MMS22L: variants seen among roughly 807,000 people sequenced by gnomAD.
MMS22L encodes the protein protein MMS22-like.
Under a neutral mutation model 159.1 loss-of-function variants are expected in MMS22L, and 74 were observed. The ratio of observed to expected loss-of-function variants is 0.47; its 90% confidence interval spans 0.39 to 0.56. The LOEUF (loss-of-function observed/expected upper bound fraction) is 0.56, where lower values mean the gene tolerates loss of function less well. Ranked by LOEUF, MMS22L falls within the 20% of genes least tolerant of loss-of-function variation. MMS22L has a pLI of 0.00. For missense variants in MMS22L, 1,351 were observed against 1,422.1 expected, an observed-to-expected ratio of 0.95 and a Z score of 0.80; for synonymous variants, 517 against 506.9, an observed-to-expected ratio of 1.02 and a Z score of -0.27.
chr6:97,220,670 T>C (rs1809534078), intron 14 of MMS22L, among the ~76,000 whole-genome samples: 1 of 151,084 alleles, frequency 6.6e-6, no homozygotes, highest in Non-Finnish European at 1.5e-5. Flanking sequence ...GCTCCCCACC[T>C]TACCAAAAGA....
chr6:97,153,187 A>G (rs891509437), intron 22 of MMS22L, among the ~76,000 whole-genome samples: 1 of 151,902 alleles, frequency 6.6e-6, no homozygotes, highest in African/African-American at 2.4e-5. Flanking sequence ...TAATTCACAT[A>G]CTATATAGTT....
chr6:97,229,475 T>G, intron 13 of MMS22L, 72 bp from the exon 14 acceptor site: 2 of 1,093,482 alleles, frequency 1.8e-6, no homozygotes, highest in Non-Finnish European at 2.5e-6. Context: ...AAAAGAAAAT[T>G]TGTTTCAATA....
intron 4 of MMS22L, among the ~76,000 whole-genome samples, chr6:97,275,681 G>A (rs1816180782): frequency 6.6e-6 from 1 of 152,176 alleles, no homozygotes; most frequent in Admixed American, 6.5e-5. Flanking sequence ...CACAATAGCT[G>A]AGACAGGGTA....
chr6:97,169,914 A>G (rs1007720157), intron 19 of MMS22L, among the ~76,000 whole-genome samples: 1 of 152,080 alleles, frequency 6.6e-6, no homozygotes. Context: ...GATATAGGGT[A>G]CCACGTGGTA....
intron 11 of MMS22L, among the ~76,000 whole-genome samples, chr6:97,243,498 T>A (rs1812302795): frequency 6.6e-6 from 1 of 152,166 alleles, no homozygotes; most frequent in Non-Finnish European, 1.5e-5. Context: ...TATTATTTTT[T>A]AAATTTCTTT....
In MMS22L at chr6:97,146,518, C is replaced by T. The variant is rs140290619; in HGVS notation, c.*288G>A. On this transcript the variant is annotated 3_prime_UTR_variant, in exon 25 of 25. Transcript: ENST00000683635. ...ATGGATGAAGTATCTGCTTAATACT[C>T]ACACACAGAAAACACTCTCAGAAAA... 2.1e-3 allele frequency: 445 copies of T among 208,264 alleles called. 3 individuals carry two copies. The highest frequency in any genetic ancestry group is 0.011 in the Middle Eastern group (6 of 544). The allele number at this position is 208,264 out of a possible 1,614,324, so 12.9% of individuals were successfully genotyped here. A position where few individuals can be genotyped will look rare whatever the true frequency, so the allele number is the denominator to read the frequency against.
Position 97,270,003 on chromosome 6 carries a change from C to A in MMS22L, c.607-11G>T, listed in dbSNP as rs1285016074. On this transcript the variant is annotated splice_polypyrimidine_tract_variant and intron_variant, in intron 6 of 24. Transcript: ENST00000683635. ...TGACGGTGGAAAAAGCTGTGGATGACATTATCAACTGTGATTGAGAATTCA... is the reference window on the plus strand; with the variant it reads ...TGACGGTGGAAAAAGCTGTGGATGAAATTATCAACTGTGATTGAGAATTCA... The A allele has an allele frequency of 6.3e-7, 1 of 1,594,486 alleles. No homozygotes were observed. The highest frequency in any genetic ancestry group is 8.6e-7 in the Non-Finnish European group (1 of 1,163,740).
At chr6:97,216,740 T>C (rs770886217) in intron 14 of MMS22L, among the ~76,000 whole-genome samples, 1 of 152,220 alleles carries the variant, frequency 6.6e-6, no homozygotes, top group African/African-American at 2.4e-5. Flanking sequence ...TTCAAAGATC[T>C]GGGTGGTCTA....
At chr6:97,270,172 T>C (rs943499362) in intron 6 of MMS22L, 180 bp from the exon 7 acceptor site, 1 of 643,012 alleles carries the variant, frequency 1.6e-6, no homozygotes, top group Non-Finnish European at 2.8e-6. Flanking sequence ...CTGAAGATCT[T>C]TGAAAGCAGG....
chr6:97,173,399 TAA>T (rs1562416956), intron 18 of MMS22L, among the ~76,000 whole-genome samples, 177 bp from the exon 19 acceptor site: 1 of 152,116 alleles, frequency 6.6e-6, no homozygotes, highest in East Asian at 1.9e-4. Flanking sequence ...TAAAAAGAAT[TAA>T]GTCTTGTCTT....
In MMS22L at chr6:97,267,877, C is replaced by T. The variant is rs1470969316; in HGVS notation, c.823G>A (p.Asp275Asn). The T allele has an allele frequency of 5.6e-6, 9 of 1,602,918 alleles. No homozygotes were observed. The highest frequency in any genetic ancestry group is 1.8e-5 in the Admixed American group (1 of 57,060). Residue 275 changes from aspartate (D) to asparagine (N), a missense_variant, in exon 8 of 25, where the codon GAC (aspartate) becomes AAC (asparagine). Transcript: ENST00000683635. ...ACAAACTCTTAAAGCATTACCTTGTCGTACCTGTTGAGTGACAGGCTTATT... is the reference window on the plus strand; with the variant it reads ...ACAAACTCTTAAAGCATTACCTTGTTGTACCTGTTGAGTGACAGGCTTATT... Reference protein sequence around the residue: ...DLISLSLNRYDKVRSSESLMS... With the variant: ...DLISLSLNRYNKVRSSESLMS...
chr6:97,279,897 T>C (rs939168007), intron 3 of MMS22L, among the ~76,000 whole-genome samples: 2 of 152,016 alleles, frequency 1.3e-5, no homozygotes, highest in Admixed American at 6.5e-5. Flanking sequence ...AAAAAAGGAA[T>C]AATGTAGACT....
chr6:97,167,591 A>G (rs1803092921), intron 20 of MMS22L, among the ~76,000 whole-genome samples: 1 of 152,158 alleles, frequency 6.6e-6, no homozygotes, highest in African/African-American at 2.4e-5. Flanking sequence ...CAAACTTCTT[A>G]GGATGGAATA....
chr6:97,226,977 A>T (rs1810332718), intron 14 of MMS22L, among the ~76,000 whole-genome samples: 1 of 152,144 alleles, frequency 6.6e-6, no homozygotes. Context: ...GTTGAGAACT[A>T]CTGAACTAGA....
rs1027955153 is a variant in MMS22L at position 97,142,510 on chromosome 6, C to T, written c.*4296G>A. 2.6e-5 allele frequency: 4 copies of T among 152,376 alleles called. No individual in the cohort carries two copies. Among genetic ancestry groups the T allele is most frequent in the African/African-American group, 9.7e-5 (4 of 41,432 alleles). The allele number at this position is 152,376 out of a possible 1,614,324, so 9.4% of individuals were successfully genotyped here. ...CTTGCCTGACAGGCAATATTTTTAA[C>T]TCTAAGAGGGGTAGGTAAAAGATCA... On this transcript the variant is annotated 3_prime_UTR_variant, in exon 25 of 25. Coordinates refer to ENST00000683635, the MANE Select transcript of MMS22L (RefSeq NM_001350599.2).
At chr6:97,157,439 G>A (rs911339125) in intron 22 of MMS22L, among the ~76,000 whole-genome samples, 11 of 152,162 alleles carry the variant, frequency 7.2e-5, no homozygotes, top group Non-Finnish European at 1.3e-4. Flanking sequence ...CATTCAGTAC[G>A]ATATTGGCTG....
chr6:97,181,745 C>T (rs1206608885), intron 16 of MMS22L, among the ~76,000 whole-genome samples, 159 bp downstream of exon 16: 3 of 151,830 alleles, frequency 2.0e-5, no homozygotes, highest in South Asian at 4.1e-4. Flanking sequence ...CTTACTATTA[C>T]TACTGTCGAA....
intron 9 of MMS22L, chr6:97,259,883 A>C (rs188340621): frequency 9.7e-4 from 147 of 152,292 alleles, no homozygotes; most frequent in African/African-American, 3.3e-3. Flanking sequence ...ATGCATATGC[A>C]TTTTAATTTT....
intron 9 of MMS22L, among the ~76,000 whole-genome samples, chr6:97,258,094 A>G (rs570788329): frequency 2.8e-4 from 43 of 152,316 alleles, no homozygotes; most frequent in African/African-American, 1.0e-3. Flanking sequence ...TAGTGAACAG[A>G]TTACAATCCC....
Sources: gnomAD v4.1 joint callset for allele counts (sites outside exome capture counted in the v4.1 genomes callset) on GRCh38, gnomAD v4.1.1 for gene constraint, MANE v1.5 for transcripts, NCBI Gene and HGNC (gene_info 2026-07-23, HGNC 2026-07-21) for gene names.